Variants in NFE2L3 observed in about 807,000 individuals in gnomAD.
NFE2L3 encodes NFE2 like bZIP transcription factor 3.
NFE2L3 carries 18 observed loss-of-function variants against 23.5 expected under a neutral mutation model. That is an observed-to-expected ratio of 0.77 (90% CI 0.53 to 1.13). The LOEUF (loss-of-function observed/expected upper bound fraction) is 1.13, where lower values mean the gene tolerates loss of function less well. Ranked by LOEUF, NFE2L3 falls within the 50% of genes most tolerant of loss-of-function variation. The pLI is 0.00. For missense variants in NFE2L3, 1,152 were observed against 877.2 expected, an observed-to-expected ratio of 1.31 and a Z score of -3.96; for synonymous variants, 424 against 354.5, an observed-to-expected ratio of 1.20 and a Z score of -2.20.
chr7:26,176,986 C>G (rs1784422205), intron 1 of NFE2L3, among the ~76,000 whole-genome samples: 1 of 37,310 alleles, frequency 2.7e-5, no homozygotes, highest in Non-Finnish European at 4.3e-5. Flanking sequence ...AGAGGCGCTC[C>G]TCACATCCCA....
At chr7:26,174,555 C>T (rs1050533253) in intron 1 of NFE2L3, 2 of 152,216 alleles carry the variant, frequency 1.3e-5, no homozygotes, top group Non-Finnish European at 2.9e-5. Flanking sequence ...TAGGACTAAA[C>T]ATCATCTACA....
Position 26,152,787 on chromosome 7 carries a change from G to A in NFE2L3, c.289G>A (p.Ala97Thr), listed in dbSNP as rs1346158983. The change falls in exon 1 of 4, where the codon GCG becomes ACG. Residue 97 changes from alanine to threonine, a missense_variant. Transcript: ENST00000056233. The surrounding 1 kb of genome is among the most constrained non-coding windows in gnomAD (Gnocchi z 4.4). Reference protein sequence around the residue: ...PEGQLLREVRALGVPFVPRTS... With the variant: ...PEGQLLREVRTLGVPFVPRTS... ...GGGCCAGCTGCTCCGGGAGGTGCGC[G>A]CGCTCGGGGTCCCCTTCGTCCCTCG... 5 of 1,485,234 alleles carry A rather than the reference G, an allele frequency of 3.4e-6. No individual in the cohort carries two copies. The highest frequency in any genetic ancestry group is 5.8e-5 in the East Asian group (2 of 34,650). 92.0% of individuals were successfully genotyped at this position (1,485,234 alleles called of 1,614,324 possible).
At chr7:26,163,321 GC>G (rs2128098008) in intron 1 of NFE2L3, among the ~76,000 whole-genome samples, 1 of 152,216 alleles carries the variant, frequency 6.6e-6, no homozygotes, top group South Asian at 2.1e-4. Flanking sequence ...AATGCCGTTA[GC>G]ACACCTAAAA....
intron 1 of NFE2L3, among the ~76,000 whole-genome samples, chr7:26,155,396 T>A (rs1784065931): frequency 6.6e-6 from 1 of 152,138 alleles, no homozygotes; most frequent in East Asian, 1.9e-4. Context: ...GAGCCGAGAT[T>A]GTGCCACTGA....
chr7:26,168,857 C>T (rs941149038), intron 1 of NFE2L3, among the ~76,000 whole-genome samples: 7 of 152,120 alleles, frequency 4.6e-5, no homozygotes, highest in African/African-American at 1.7e-4. Context: ...CTGAAGGGGC[C>T]GTTTTCAACT....
Position 26,185,706 on chromosome 7 carries a change from G to GGAA in NFE2L3, c.2010_2012dup (p.Gly670_Ser671insArg), listed in dbSNP as rs759113952. 1.2e-6 allele frequency: 2 copies of GGAA among 1,613,690 alleles called. No individual in the cohort carries two copies. Among genetic ancestry groups the GGAA allele is most frequent in the Admixed American group, 1.7e-5 (1 of 59,984 alleles). ...CTATGCTCTCCAGTGTACCCATGATGGAAGTATCTTGATAGTACCCAAAGA... is the reference window on the plus strand; with the variant it reads ...CTATGCTCTCCAGTGTACCCATGATGGAAGAAGTATCTTGATAGTACCCAAAGA... On this transcript the variant is annotated inframe_insertion, in exon 4 of 4. Coordinates refer to ENST00000056233, the MANE Select transcript of NFE2L3 (RefSeq NM_004289.7).
At chr7:26,160,084 G>T (rs1562669307) in intron 1 of NFE2L3, among the ~76,000 whole-genome samples, 4 of 151,708 alleles carry the variant, frequency 2.6e-5, no homozygotes, top group African/African-American at 7.3e-5. Context: ...CTCCCAAGTG[G>T]CTGGGATCAC....
chr7:26,153,216 C>A, intron 1 of NFE2L3, 148 bp downstream of exon 1: 1 of 770,800 alleles, frequency 1.3e-6, no homozygotes, highest in Non-Finnish European at 1.9e-6. Flanking sequence ...TGCTGCTGCT[C>A]TGATTCCGAA....
chr7:26,167,003 A>G (rs2128098451), intron 1 of NFE2L3, among the ~76,000 whole-genome samples: 1 of 152,360 alleles, frequency 6.6e-6, no homozygotes, highest in South Asian at 2.1e-4. Context: ...ACCCTCTACC[A>G]CATGACTCAG....
chr7:26,171,076 A>G (rs1472460439), intron 1 of NFE2L3, among the ~76,000 whole-genome samples: 1 of 152,220 alleles, frequency 6.6e-6, no homozygotes, highest in Non-Finnish European at 1.5e-5. Context: ...TATAATTGGC[A>G]CAAACTTTTT....
At position 26,177,966 on chromosome 7, in the gene NFE2L3, G is replaced by A. The variant is rs1562676161; in HGVS notation, c.594G>A (p.Lys198=). Residue 198 remains lysine, a synonymous_variant, in exon 2 of 4, where the codon AAG becomes AAA. Transcript: ENST00000056233. ...AGGAGAATGGGGTACTAAGAGAAAAGCACGAAGCTGTGGATCATAGTTCCC... is the reference window on the plus strand; with the variant it reads ...AGGAGAATGGGGTACTAAGAGAAAAACACGAAGCTGTGGATCATAGTTCCC... The part of the protein sequence containing the change: ...ASEENGVLRE[K]HEAVDHSSQH... 1 of 1,613,578 alleles carries A rather than the reference G, an allele frequency of 6.2e-7. No individual in the cohort carries two copies. Among genetic ancestry groups the A allele is most frequent in the Non-Finnish European group, 8.5e-7 (1 of 1,179,834 alleles).
intron 1 of NFE2L3, among the ~76,000 whole-genome samples, chr7:26,175,778 CA>C (rs766870480): frequency 0.023 from 1,851 of 80,316 alleles, 24 homozygotes; most frequent in African/African-American, 0.051. Context: ...GACTCTGTCT[CA>C]AAAAAAAAAA....
chr7:26,170,125 T>G (rs1231863776), intron 1 of NFE2L3, among the ~76,000 whole-genome samples: 2 of 152,194 alleles, frequency 1.3e-5, no homozygotes, highest in African/African-American at 4.8e-5. Flanking sequence ...TGATAAATTA[T>G]ACGGTCACTT....
intron 1 of NFE2L3, among the ~76,000 whole-genome samples, chr7:26,159,024 A>G (rs1784128376): frequency 6.6e-6 from 1 of 152,158 alleles, no homozygotes; most frequent in African/African-American, 2.4e-5. Context: ...ACTCCCGTCC[A>G]TTGTGTTGTC....
chr7:26,157,409 G>A (rs1041805089), intron 1 of NFE2L3, among the ~76,000 whole-genome samples: 2 of 151,774 alleles, frequency 1.3e-5, no homozygotes, highest in African/African-American at 4.8e-5. Context: ...AAACTCCTGG[G>A]CTCAAGTACA....
At chr7:26,172,488 G>C (rs948036199) in intron 1 of NFE2L3, among the ~76,000 whole-genome samples, 1 of 152,028 alleles carries the variant, frequency 6.6e-6, no homozygotes, top group Non-Finnish European at 1.5e-5. Context: ...TATCAAATCA[G>C]GACATTTAAT....
intron 1 of NFE2L3, among the ~76,000 whole-genome samples, chr7:26,165,490 T>A (rs911576090): frequency 4.6e-5 from 7 of 152,264 alleles, no homozygotes; most frequent in African/African-American, 9.6e-5. Context: ...TTTTTGCACA[T>A]TGATTTTGTA....
Position 26,183,714 on chromosome 7 carries a change from G to A in NFE2L3, c.764G>A (p.Gly255Glu). 2.5e-6 allele frequency: 4 copies of A among 1,609,938 alleles called. No homozygotes were observed. The highest frequency in any genetic ancestry group is 3.4e-6 in the Non-Finnish European group (4 of 1,176,240). ...TESRNERHLN[G>E]TDTSFSLEDL... The stretch of plus-strand genomic sequence containing the variant: ...GTTTCTCTACAGAGACATCTGAATG[G>A]GACAGATACTTCTTTCTCTCTGGAA... Residue 255 changes from glycine to glutamate, a missense_variant, in exon 3 of 4, where the codon GGG (glycine) becomes GAG (glutamate). Transcript: ENST00000056233.
chr7:26,182,759 T>C (rs1006661229), intron 2 of NFE2L3, among the ~76,000 whole-genome samples: 1 of 151,898 alleles, frequency 6.6e-6, no homozygotes, highest in African/African-American at 2.4e-5. Context: ...ATAAATTGGT[T>C]TTAAAAAAAC....
Sources: gnomAD v4.1 joint callset for allele counts (sites outside exome capture counted in the v4.1 genomes callset) on GRCh38, gnomAD v4.1.1 for gene constraint, Gnocchi (gnomAD v3.1) non-coding constraint, MANE v1.5 for transcripts, NCBI Gene and HGNC (gene_info 2026-07-23, HGNC 2026-07-21) for gene names.